The following HAPSTR1 variants were observed in gnomAD, a reference collection of about 807,000 sequenced individuals.
HAPSTR1 encodes the protein HUWE1 associated protein modifying stress responses, also known as HUWE1-associated protein modifying stress responses 1.
chr16:9,102,271 A>T, the HAPSTR1 span, among the ~76,000 whole-genome samples: 2 of 149,774 alleles, frequency 1.3e-5, no homozygotes, highest in African/African-American at 5.0e-5. Flanking sequence ...GCTCAATTAA[A>T]ACTAAATAAT....
At chr16:9,097,881 T>C in the HAPSTR1 span, among the ~76,000 whole-genome samples, 1 of 152,334 alleles carries the variant, frequency 6.6e-6, no homozygotes, top group East Asian at 1.9e-4. Context: ...CATAGGGTTA[T>C]GCACATGAGT....
the HAPSTR1 span, chr16:9,110,420 C>T: frequency 2.0e-5 from 3 of 152,236 alleles, no homozygotes; most frequent in East Asian, 1.9e-4. Flanking sequence ...AAGGGAAGCT[C>T]ATTTTAGGCA....
chr16:9,116,065 G>A, the HAPSTR1 span, among the ~76,000 whole-genome samples: 5 of 152,188 alleles, frequency 3.3e-5, no homozygotes, highest in African/African-American at 4.8e-5. Flanking sequence ...TGATCACATA[G>A]CCTGATTTGT....
At chr16:9,105,933 C>T in the HAPSTR1 span, 1 of 152,190 alleles carries the variant, frequency 6.6e-6, no homozygotes, top group African/African-American at 2.4e-5. Flanking sequence ...ACCCCTACCC[C>T]CATCAAATAC....
At chr16:9,114,083 G>A in the HAPSTR1 span, among the ~76,000 whole-genome samples, 1 of 152,210 alleles carries the variant, frequency 6.6e-6, no homozygotes, top group Non-Finnish European at 1.5e-5. Flanking sequence ...ATTGTACCAT[G>A]CTGTAGAAAG....
At chr16:9,111,237 G>A in the HAPSTR1 span, 1 of 152,330 alleles carries the variant, frequency 6.6e-6, no homozygotes, top group African/African-American at 2.4e-5. Context: ...GAATGTTGCA[G>A]TCTGCATCTT....
the HAPSTR1 span, among the ~76,000 whole-genome samples, chr16:9,115,813 C>T: frequency 2.0e-5 from 3 of 152,122 alleles, no homozygotes; most frequent in African/African-American, 4.8e-5. Context: ...CGAGTTTTCA[C>T]CATGTTGGCC....
chr16:9,105,271 A>G, the HAPSTR1 span: 1 of 152,250 alleles, frequency 6.6e-6, no homozygotes, highest in Non-Finnish European at 1.5e-5. Flanking sequence ...GAAGAAAATG[A>G]TCTTTACCTT....
the HAPSTR1 span, among the ~76,000 whole-genome samples, chr16:9,099,027 G>A: frequency 6.6e-6 from 1 of 152,004 alleles, no homozygotes; most frequent in Non-Finnish European, 1.5e-5. Flanking sequence ...TTGGTCTTCA[G>A]AATCAATATA....
the HAPSTR1 span, chr16:9,118,256 T>G: frequency 2.6e-5 from 4 of 152,778 alleles, no homozygotes; most frequent in African/African-American, 9.6e-5. Context: ...GAAAAATGTT[T>G]CCTTGCAAAC....
At chr16:9,094,930 C>T in the HAPSTR1 span, among the ~76,000 whole-genome samples, 1 of 152,188 alleles carries the variant, frequency 6.6e-6, no homozygotes, top group Non-Finnish European at 1.5e-5. Context: ...GCTAACTTTT[C>T]GTGTAAGAAG....
At chr16:9,100,254 G>C in the HAPSTR1 span, among the ~76,000 whole-genome samples, 1 of 152,128 alleles carries the variant, frequency 6.6e-6, no homozygotes, top group Non-Finnish European at 1.5e-5. Context: ...TTCACAACTT[G>C]TTACATAAGT....
the HAPSTR1 span, chr16:9,117,102 T>C: frequency 1.3e-6 from 1 of 769,936 alleles, no homozygotes; most frequent in Non-Finnish European, 2.0e-6. Context: ...TATGGCTTTC[T>C]TAAAACTATA....
chr16:9,103,420 T>C, the HAPSTR1 span: 1 of 741,726 alleles, frequency 1.3e-6, no homozygotes. Context: ...GAACTTAATA[T>C]GGGCGATTTC....
the HAPSTR1 span, among the ~76,000 whole-genome samples, chr16:9,100,952 G>C: frequency 6.6e-6 from 1 of 152,078 alleles, no homozygotes; most frequent in Non-Finnish European, 1.5e-5. Flanking sequence ...TTTGGCTTTT[G>C]AAGAATAAAA....
the HAPSTR1 span, among the ~76,000 whole-genome samples, chr16:9,098,594 C>CT: frequency 1.3e-5 from 2 of 152,118 alleles, no homozygotes; most frequent in East Asian, 3.8e-4. Flanking sequence ...GAGAGGTTCT[C>CT]TTGAGATCTT....
chr16:9,100,710 T>A, the HAPSTR1 span, among the ~76,000 whole-genome samples: 1 of 152,094 alleles, frequency 6.6e-6, no homozygotes, highest in Non-Finnish European at 1.5e-5. Context: ...AATTTTTGTA[T>A]TTTTAGTAGA....
At chr16:9,093,679 A>G in the HAPSTR1 span, among the ~76,000 whole-genome samples, 2 of 152,158 alleles carry the variant, frequency 1.3e-5, no homozygotes, top group East Asian at 3.8e-4. Context: ...TTTTGAGTCC[A>G]TAGGTTTGTT....
the HAPSTR1 span, among the ~76,000 whole-genome samples, chr16:9,096,857 A>T: frequency 6.6e-6 from 1 of 151,962 alleles, no homozygotes; most frequent in Non-Finnish European, 1.5e-5. Context: ...TAATGAAAAA[A>T]TTGTAGCTTT....
Sources: gnomAD v4.1 joint callset for allele counts (sites outside exome capture counted in the v4.1 genomes callset) on GRCh38, gnomAD v4.1.1 for gene constraint, MANE v1.5 for transcripts, NCBI Gene and HGNC (gene_info 2026-07-23, HGNC 2026-07-21) for gene names.